ANKRD20A1: variants seen among roughly 807,000 people sequenced by gnomAD.
The protein encoded by ANKRD20A1 is ankyrin repeat domain 20 family member A1.
A neutral mutation model predicts 50.9 loss-of-function variants in ANKRD20A1; 2 were observed. The observed-to-expected ratio is 0.04, with a 90% CI of 0.02 to 0.12. The LOEUF (loss-of-function observed/expected upper bound fraction) is 0.12, where lower values mean the gene tolerates loss of function less well. Among genes scored for constraint, ANKRD20A1 ranks in the 10% least tolerant of loss-of-function variants. The pLI, the probability that ANKRD20A1 is intolerant of heterozygous loss-of-function variation, is 1.00. For synonymous variants in ANKRD20A1, 10 were observed against 186.2 expected (o/e 0.05, Z 7.70); for missense variants, 31 against 548.1 (o/e 0.06, Z 9.42).
Position 67,859,120 on chromosome 9 carries a change from T to C in ANKRD20A1, c.-307T>C. On this transcript the variant is annotated 5_prime_UTR_variant, in exon 1 of 15. Transcript: ENST00000562196. Reference sequence around the variant, plus strand: ...AGGCGCGCTCCGCCAGGGACCGTCTTCTGGGAGCTCGGCAGCAACTGCCGT... The same window carrying C: ...AGGCGCGCTCCGCCAGGGACCGTCTCCTGGGAGCTCGGCAGCAACTGCCGT... The C allele has an allele frequency of 2.3e-5, 1 of 44,156 alleles. No homozygotes were observed. The highest frequency in any genetic ancestry group is 6.2e-4 in the East Asian group (1 of 1,612). 2.7% of individuals were successfully genotyped at this position (44,156 alleles called of 1,614,324 possible).
At chr9:67,860,602 G>T (rs1287752941) in intron 1 of ANKRD20A1, 1 of 32,400 alleles carries the variant, frequency 3.1e-5, no homozygotes, top group African/African-American at 1.9e-4. Flanking sequence ...ACTAAAAGAG[G>T]AATGAAACAG....
chr9:67,866,013 G>A (rs1228179570), intron 3 of ANKRD20A1, among the ~76,000 whole-genome samples: 50 of 150,764 alleles, frequency 3.3e-4, no homozygotes, highest in Middle Eastern at 3.4e-3. Context: ...GCCTTTTTAG[G>A]TTATTCCTGG....
At position 67,900,472 on chromosome 9, in the gene ANKRD20A1, ATT is replaced by A. The variant is rs1400577790; in HGVS notation, c.1498-18_1498-17del. ...GATATTTTATTGAGTACTAGCTAAA[ATT>A]TTCTTTTGTTTTATTTAGGATTTTC... On this transcript the variant is annotated intron_variant, in intron 14 of 14. Transcript: ENST00000562196. The A allele has an allele frequency of 1.0e-6, 1 of 956,226 alleles. No individual in the cohort carries two copies. Among genetic ancestry groups the A allele is most frequent in the Non-Finnish European group, 1.4e-6 (1 of 723,442 alleles). The allele number at this position is 956,226 out of a possible 1,614,324, so 59.2% of individuals were successfully genotyped here.
intron 8 of ANKRD20A1, among the ~76,000 whole-genome samples, chr9:67,883,059 C>G (rs1404040417): frequency 6.6e-6 from 1 of 150,916 alleles, no homozygotes; most frequent in Non-Finnish European, 1.5e-5. Flanking sequence ...GGGTTGGTTC[C>G]AAGTCTTTGC....
At chr9:67,865,899 TATAA>T (rs1479451012) in intron 3 of ANKRD20A1, among the ~76,000 whole-genome samples, 1 of 149,746 alleles carries the variant, frequency 6.7e-6, no homozygotes, top group Non-Finnish European at 1.5e-5. Flanking sequence ...CTATAGAGTA[TATAA>T]ATCCCTCAGT....
In ANKRD20A1 at chr9:67,897,609, AAATATATGTGAT is replaced by A; in HGVS notation, c.1205_1216del (p.Asn402_Asp405del). ...AAAGTGAAAAAATACAACTTTCAGA[AAATATATGTGAT>A]AGTACATCTTCTGCTGCTGCTGGCA... On this transcript the variant is annotated inframe_deletion, in exon 13 of 15. Coordinates refer to ENST00000562196, the MANE Select transcript of ANKRD20A1 (RefSeq NM_032250.5). The A allele has an allele frequency of 1.4e-6, 1 of 738,754 alleles. No homozygotes were observed. Among genetic ancestry groups the A allele is most frequent in the Non-Finnish European group, 2.0e-6 (1 of 506,460 alleles). The allele number at this position is 738,754 out of a possible 1,614,324, so 45.8% of individuals were successfully genotyped here.
At chr9:67,865,525 TA>T (rs1269003541) in intron 3 of ANKRD20A1, among the ~76,000 whole-genome samples, 68 of 146,656 alleles carry the variant, frequency 4.6e-4, no homozygotes, top group African/African-American at 1.3e-3. Flanking sequence ...ATAGCGAATA[TA>T]AAAAAAACAA....
chr9:67,882,794 G>A (rs1341816855), intron 8 of ANKRD20A1, among the ~76,000 whole-genome samples: 121 of 147,792 alleles, frequency 8.2e-4, no homozygotes, highest in African/African-American at 2.6e-3. Context: ...CCCCTTGTCC[G>A]CCCCACGACA....
intron 3 of ANKRD20A1, among the ~76,000 whole-genome samples, chr9:67,866,313 CTTACTGAGTTTTGGTT>C (rs1164323086): frequency 2.0e-5 from 3 of 151,828 alleles, no homozygotes; most frequent in African/African-American, 7.2e-5. Context: ...AATAGTATTT[CTTACTGAGTTTTGGTT>C]TTTAAAATAT....
intron 11 of ANKRD20A1, among the ~76,000 whole-genome samples, chr9:67,889,219 AGCTT>A (rs1309866414): frequency 1.1e-5 from 1 of 89,442 alleles, no homozygotes; most frequent in African/African-American, 3.6e-5. Context: ...TGCCTGCCTC[AGCTT>A]GCCAGTATGC....
intron 8 of ANKRD20A1, among the ~76,000 whole-genome samples, chr9:67,883,213 C>T (rs1827827781): frequency 6.6e-6 from 1 of 150,780 alleles, no homozygotes; most frequent in East Asian, 2.1e-4. Context: ...AATCACCATA[C>T]TGTCTTCCTC....
chr9:67,859,471 G>A lies in ANKRD20A1; in HGVS notation c.45G>A (p.Gln15=), dbSNP rs1827480967. The A allele has an allele frequency of 3.3e-6, 2 of 599,614 alleles. 1 individual carries two copies. Among genetic ancestry groups the A allele is most frequent in the African/African-American group, 1.2e-4 (2 of 16,116 alleles). 37.1% of individuals were successfully genotyped at this position (599,614 alleles called of 1,614,324 possible). A position where few individuals can be genotyped will look rare whatever the true frequency, so the allele number is the denominator to read the frequency against. ...GGAGCCGCAGGGGCCAGACGGCCCA[G>A]GGCTCCATAGACCACGTCTACACGG... ...GFGSRRGQTA[Q]GSIDHVYTGS... is the part of the protein sequence containing the mutation. Residue 15 remains glutamine, a synonymous_variant, in exon 1 of 15, where the codon CAG becomes CAA. Coordinates refer to ENST00000562196, the MANE Select transcript of ANKRD20A1 (RefSeq NM_032250.5).
At chr9:67,881,181 A>T (rs1302663915) in intron 8 of ANKRD20A1, among the ~76,000 whole-genome samples, 3 of 149,206 alleles carry the variant, frequency 2.0e-5, no homozygotes, top group African/African-American at 7.3e-5. Flanking sequence ...TGGGAATTTG[A>T]GGCAGGAAGA....
At chr9:67,885,257 G>A (rs1447453573) in intron 9 of ANKRD20A1, among the ~76,000 whole-genome samples, 2 of 152,268 alleles carry the variant, frequency 1.3e-5, no homozygotes, top group African/African-American at 2.4e-5. Context: ...TGTAGAAGAA[G>A]GAAGAACATG....
intron 8 of ANKRD20A1, among the ~76,000 whole-genome samples, chr9:67,881,045 T>C (rs1275453691): frequency 6.8e-6 from 1 of 146,038 alleles, no homozygotes; most frequent in Non-Finnish European, 1.5e-5. Context: ...ATTATTTTGG[T>C]ATCATATTGT....
chr9:67,888,951 C>A (rs1404186819), intron 11 of ANKRD20A1, among the ~76,000 whole-genome samples: 1 of 146,832 alleles, frequency 6.8e-6, no homozygotes, highest in Non-Finnish European at 1.5e-5. Context: ...TATGTGGGAA[C>A]AATTAGGTGT....
chr9:67,865,973 A>G (rs1323900227), intron 3 of ANKRD20A1, among the ~76,000 whole-genome samples: 763 of 150,288 alleles, frequency 5.1e-3, no homozygotes, highest in African/African-American at 0.018. Context: ...TATACCACAA[A>G]TAATTCTCTG....
At chr9:67,891,064 G>A (rs1404077261) in intron 11 of ANKRD20A1, among the ~76,000 whole-genome samples, 4 of 87,700 alleles carry the variant, frequency 4.6e-5, no homozygotes, top group African/African-American at 1.5e-4. Context: ...GGGAGGCTGA[G>A]ACGGGCAGAT....
At chr9:67,882,599 C>T (rs1200080045) in intron 8 of ANKRD20A1, among the ~76,000 whole-genome samples, 1 of 149,918 alleles carries the variant, frequency 6.7e-6, no homozygotes, top group African/African-American at 2.4e-5. Context: ...TTAGCTCCAA[C>T]TCATGTTTTA....
Sources: gnomAD v4.1 joint callset for allele counts (sites outside exome capture counted in the v4.1 genomes callset) on GRCh38, gnomAD v4.1.1 for gene constraint, MANE v1.5 for transcripts, NCBI Gene and HGNC (gene_info 2026-07-23, HGNC 2026-07-21) for gene names.